The following TENM3 variants were observed in gnomAD, a reference collection of about 807,000 sequenced individuals.
TENM3 encodes the protein teneurin-3.
TENM3 carries 63 observed loss-of-function variants against 255.1 expected under a neutral mutation model. The ratio of observed to expected loss-of-function variants is 0.25; its 90% CI spans 0.20 to 0.30. TENM3 has a LOEUF of 0.30. Ranked by LOEUF, TENM3 falls within the 10% of genes least tolerant of loss-of-function variation. The probability of loss-of-function intolerance (pLI) is 1.00; values close to 1 mark genes in which losing one functional copy is unlikely to be tolerated. For synonymous variants in TENM3, 1,306 were observed against 1,322.3 expected (o/e 0.99, Z 0.27); for missense variants, 2,929 against 3,461.1 (o/e 0.85, Z 3.86).
chr4:181,604,046 C>T, the TENM3 span, among the ~76,000 whole-genome samples: 1 of 152,168 alleles, frequency 6.6e-6, no homozygotes, highest in Admixed American at 6.5e-5. Flanking sequence ...GGGTGGATCA[C>T]GACGTCAAGA....
At chr4:182,118,999 G>A in the TENM3 span, among the ~76,000 whole-genome samples, 1 of 152,120 alleles carries the variant, frequency 6.6e-6, no homozygotes, top group Non-Finnish European at 1.5e-5. Context: ...TCAAGGGAGA[G>A]GAAGCATTCC....
At chr4:182,233,389 G>A (rs1756700004) in intron 1 of TENM3, among the ~76,000 whole-genome samples, 1 of 152,200 alleles carries the variant, frequency 6.6e-6, no homozygotes, top group African/African-American at 2.4e-5. Context: ...TTGGGAACCT[G>A]ACCGACGTAT....
At chr4:182,075,990 T>G in the TENM3 span, among the ~76,000 whole-genome samples, 1 of 152,164 alleles carries the variant, frequency 6.6e-6, no homozygotes, top group Non-Finnish European at 1.5e-5. Context: ...CATAGCTCAC[T>G]GTAGCTGTGA....
chr4:182,517,685 A>G (rs1738140052), intron 3 of TENM3, among the ~76,000 whole-genome samples: 1 of 152,134 alleles, frequency 6.6e-6, no homozygotes, highest in Admixed American at 6.5e-5. Flanking sequence ...GCCCGGCCAA[A>G]CAAAGTTCAT....
At chr4:181,783,130 A>G in the TENM3 span, among the ~76,000 whole-genome samples, 9 of 152,176 alleles carry the variant, frequency 5.9e-5, no homozygotes, top group Non-Finnish European at 1.3e-4. Context: ...GTAGATGTCT[A>G]TTAGGTCTGC....
At chr4:182,305,498 G>A (rs1280527903) in intron 1 of TENM3, among the ~76,000 whole-genome samples, 1 of 152,180 alleles carries the variant, frequency 6.6e-6, no homozygotes, top group African/African-American at 2.4e-5. Context: ...TGTTATTGTG[G>A]TGATCCATCC....
chr4:182,491,448 A>G (rs1735291335), intron 3 of TENM3, among the ~76,000 whole-genome samples: 1 of 152,112 alleles, frequency 6.6e-6, no homozygotes, highest in East Asian at 1.9e-4. Context: ...CAAACTCACT[A>G]GCCATAAATG....
At chr4:182,334,974 AT>A (rs1229959246) in intron 2 of TENM3, among the ~76,000 whole-genome samples, 1 of 152,090 alleles carries the variant, frequency 6.6e-6, no homozygotes, top group Non-Finnish European at 1.5e-5. Flanking sequence ...GGGCGTAAAG[AT>A]ATCATTAAGG....
chr4:182,627,352 C>G (rs899356527), intron 4 of TENM3, among the ~76,000 whole-genome samples: 1 of 152,124 alleles, frequency 6.6e-6, no homozygotes, highest in Non-Finnish European at 1.5e-5. Context: ...GGACACATAC[C>G]TACTAAGTGG....
the TENM3 span, among the ~76,000 whole-genome samples, chr4:181,547,327 C>A: frequency 6.6e-6 from 1 of 151,900 alleles, no homozygotes. Context: ...TTGAAGAAAT[C>A]TCACAGAAAA....
chr4:182,027,477 G>T, the TENM3 span, among the ~76,000 whole-genome samples: 1 of 151,440 alleles, frequency 6.6e-6, no homozygotes, highest in Non-Finnish European at 1.5e-5. Flanking sequence ...CCTCTTGTCT[G>T]ATTGCTCTAG....
At chr4:181,644,669 C>G in the TENM3 span, among the ~76,000 whole-genome samples, 952 of 152,098 alleles carry the variant, frequency 6.3e-3, 11 homozygotes, top group African/African-American at 0.021. Context: ...TGATCTATTT[C>G]ATCTGGCTTA....
At chr4:181,832,130 C>T in the TENM3 span, among the ~76,000 whole-genome samples, 1 of 151,942 alleles carries the variant, frequency 6.6e-6, no homozygotes, top group Admixed American at 6.6e-5. Flanking sequence ...CTGAAGTGCA[C>T]AATGTGTTTC....
At chr4:182,363,970 A>G (rs1489946781) in intron 3 of TENM3, among the ~76,000 whole-genome samples, 1 of 152,090 alleles carries the variant, frequency 6.6e-6, no homozygotes, top group Non-Finnish European at 1.5e-5. Context: ...CTTGTAATGG[A>G]CTGTGTCTCA....
At chr4:182,078,829 T>C in the TENM3 span, among the ~76,000 whole-genome samples, 2 of 152,076 alleles carry the variant, frequency 1.3e-5, no homozygotes, top group East Asian at 3.9e-4. Flanking sequence ...ATATTATTAG[T>C]GGTGGAAATG....
chr4:182,730,138 A>G (rs558453127), intron 14 of TENM3, 62 bp from the exon 15 acceptor site: 2 of 1,595,698 alleles, frequency 1.3e-6, no homozygotes, highest in Non-Finnish European at 1.7e-6. Flanking sequence ...TTATCTATAA[A>G]TCATGATAAT....
At chr4:181,801,491 G>C in the TENM3 span, among the ~76,000 whole-genome samples, 1 of 151,754 alleles carries the variant, frequency 6.6e-6, no homozygotes, top group Non-Finnish European at 1.5e-5. Context: ...AGGGTGGAGG[G>C]GGCCATGTAG....
intron 3 of TENM3, among the ~76,000 whole-genome samples, chr4:182,586,555 C>T (rs928650938): frequency 1.3e-5 from 2 of 152,176 alleles, no homozygotes; most frequent in African/African-American, 2.4e-5. Context: ...AGCAAATACA[C>T]GTCTATGGTA....
chr4:182,100,316 A>G, the TENM3 span, among the ~76,000 whole-genome samples: 5 of 151,756 alleles, frequency 3.3e-5, no homozygotes, highest in South Asian at 6.2e-4. Context: ...AATCAGAAAT[A>G]GTTGGCCAAG....
Sources: gnomAD v4.1 joint callset for allele counts (sites outside exome capture counted in the v4.1 genomes callset) on GRCh38, gnomAD v4.1.1 for gene constraint, MANE v1.5 for transcripts, NCBI Gene and HGNC (gene_info 2026-07-23, HGNC 2026-07-21) for gene names.